BMP5: variants seen among roughly 807,000 people sequenced by gnomAD.
BMP5 encodes the protein bone morphogenetic protein 5.
BMP5 carries 23 observed loss-of-function variants against 46.6 expected under a neutral mutation model. The observed-to-expected ratio is 0.49, with a 90% confidence interval of 0.35 to 0.70. The LOEUF is 0.70. Among genes scored for constraint, BMP5 ranks in the 30% least tolerant of loss-of-function variants. The pLI, the probability that BMP5 is intolerant of heterozygous loss-of-function variation, is 0.00. For missense variants in BMP5, 545 were observed against 565.6 expected, an observed-to-expected ratio of 0.96 and a Z score of 0.37; for synonymous variants, 204 against 191.9, an observed-to-expected ratio of 1.06 and a Z score of -0.52.
At chr6:55,869,344 G>A (rs531793650) in intron 1 of BMP5, among the ~76,000 whole-genome samples, 28 of 152,170 alleles carry the variant, frequency 1.8e-4, no homozygotes, top group Non-Finnish European at 3.2e-4. Context: ...AGCCTTTAAT[G>A]ACTCATTTCA....
At chr6:55,818,943 TAGACAGACAGACAGAC>T in intron 2 of BMP5, among the ~76,000 whole-genome samples, 1 of 150,896 alleles carries the variant, frequency 6.6e-6, no homozygotes, top group African/African-American at 2.5e-5. Flanking sequence ...GATAGATAGA[TAGACAGACAGACAGAC>T]AGACAGACAG....
chr6:55,782,885 A>G (rs1209749028), intron 3 of BMP5, among the ~76,000 whole-genome samples: 1 of 152,144 alleles, frequency 6.6e-6, no homozygotes, highest in African/African-American at 2.4e-5. Flanking sequence ...GGCTCAAAAA[A>G]GAGTCAGATT....
chr6:55,817,073 T>C (rs926730160), intron 2 of BMP5, among the ~76,000 whole-genome samples: 1 of 152,094 alleles, frequency 6.6e-6, no homozygotes, highest in Non-Finnish European at 1.5e-5. Context: ...CCAGTTAGAA[T>C]GGCAATCATT....
chr6:55,839,603 C>T (rs1459840177), intron 1 of BMP5, among the ~76,000 whole-genome samples: 1 of 152,172 alleles, frequency 6.6e-6, no homozygotes, highest in Non-Finnish European at 1.5e-5. Flanking sequence ...GCATGAGCCA[C>T]CATGCTTGGT....
intron 3 of BMP5, among the ~76,000 whole-genome samples, chr6:55,776,684 A>G (rs1258343282): frequency 6.7e-6 from 1 of 149,348 alleles, no homozygotes; most frequent in East Asian, 2.0e-4. Flanking sequence ...CTAATACTGA[A>G]ATAGGTTGCT....
chr6:55,768,723 G>A (rs1582048845), intron 4 of BMP5, among the ~76,000 whole-genome samples: 1 of 151,876 alleles, frequency 6.6e-6, no homozygotes, highest in African/African-American at 2.4e-5. Context: ...ATCTTTCTTA[G>A]CAGTTCTGTA....
intron 1 of BMP5, among the ~76,000 whole-genome samples, chr6:55,828,981 T>C (rs16887215): frequency 0.026 from 3,876 of 151,878 alleles, 163 homozygotes; most frequent in African/African-American, 0.088. Context: ...GGTACATGGA[T>C]GTATAATCAC....
chr6:55,794,620 G>A (rs1184028547), intron 2 of BMP5, among the ~76,000 whole-genome samples, 193 bp from the exon 3 acceptor site: 1 of 152,072 alleles, frequency 6.6e-6, no homozygotes, highest in Non-Finnish European at 1.5e-5. Context: ...ACCAAACCTG[G>A]TACAAATTAG....
intron 1 of BMP5, among the ~76,000 whole-genome samples, chr6:55,871,825 T>G (rs1777794037): frequency 6.6e-6 from 1 of 151,788 alleles, no homozygotes; most frequent in Non-Finnish European, 1.5e-5. Flanking sequence ...ACAGATTCTT[T>G]TCACATATTT....
intron 2 of BMP5, among the ~76,000 whole-genome samples, chr6:55,817,319 T>C (rs1444425227): frequency 6.6e-6 from 1 of 152,230 alleles, no homozygotes; most frequent in Non-Finnish European, 1.5e-5. Context: ...ATTGCAGCAC[T>C]ATTCACAATA....
At chr6:55,777,774 A>G (rs1475918609) in intron 3 of BMP5, among the ~76,000 whole-genome samples, 3 of 152,004 alleles carry the variant, frequency 2.0e-5, no homozygotes, top group African/African-American at 4.8e-5. Flanking sequence ...CACAGCTTCA[A>G]TAGATGCATG....
intron 1 of BMP5, among the ~76,000 whole-genome samples, chr6:55,842,829 A>G (rs529092345): frequency 6.6e-6 from 1 of 152,104 alleles, no homozygotes; most frequent in Non-Finnish European, 1.5e-5. Context: ...CTTTGAAGGT[A>G]TAAGTCTAAA....
chr6:55,779,145 T>C (rs1018293934), intron 3 of BMP5, among the ~76,000 whole-genome samples: 3 of 152,114 alleles, frequency 2.0e-5, no homozygotes, highest in Non-Finnish European at 4.4e-5. Context: ...TAAGGATAAG[T>C]GGTTCCAAAT....
At chr6:55,770,522 A>G (rs958277129) in intron 4 of BMP5, among the ~76,000 whole-genome samples, 4 of 151,932 alleles carry the variant, frequency 2.6e-5, no homozygotes, top group African/African-American at 9.7e-5. Flanking sequence ...TCTCCACATC[A>G]GCAAGAAAAC....
chr6:55,792,324 G>A (rs531083562), intron 3 of BMP5, among the ~76,000 whole-genome samples: 8 of 152,232 alleles, frequency 5.3e-5, no homozygotes, highest in South Asian at 2.1e-4. Flanking sequence ...ACGAGGTCAG[G>A]AGATCGAGAC....
intron 4 of BMP5, among the ~76,000 whole-genome samples, chr6:55,761,066 C>T (rs886896838): frequency 2.6e-5 from 4 of 151,988 alleles, no homozygotes; most frequent in Non-Finnish European, 4.4e-5. Context: ...AGACTTCATT[C>T]TTGACTAATG....
intron 3 of BMP5, among the ~76,000 whole-genome samples, chr6:55,785,438 G>A (rs998061945): frequency 6.6e-6 from 1 of 151,776 alleles, no homozygotes; most frequent in African/African-American, 2.4e-5. Context: ...TTTGTATGCA[G>A]TGGGCAAATG....
At chr6:55,829,797 T>C (rs951692204) in intron 1 of BMP5, among the ~76,000 whole-genome samples, 2 of 152,022 alleles carry the variant, frequency 1.3e-5, no homozygotes, top group African/African-American at 4.8e-5. Context: ...TGAAACACCA[T>C]ATGTGATGTT....
At chr6:55,838,617 T>C (rs1391543189) in intron 1 of BMP5, among the ~76,000 whole-genome samples, 1 of 152,160 alleles carries the variant, frequency 6.6e-6, no homozygotes, top group East Asian at 1.9e-4. Context: ...GTCGATTTTT[T>C]TCCCTTGCTG....
Sources: allele counts gnomAD v4.1 joint callset (sites outside exome capture counted in the v4.1 genomes callset), GRCh38; gene constraint gnomAD v4.1.1; transcripts MANE v1.5; gene names NCBI Gene and HGNC (gene_info 2026-07-23, HGNC 2026-07-21).